Variants in GALNT18 observed in about 807,000 individuals in gnomAD.
GALNT18 encodes polypeptide N-acetylgalactosaminyltransferase 18, also known as GalNAc-transferase 18.
GALNT18 carries 44 observed loss-of-function variants against 69.5 expected under a neutral mutation model. The ratio of observed to expected loss-of-function variants is 0.63; its 90% CI spans 0.50 to 0.81. The LOEUF is 0.81. Among genes scored for constraint, GALNT18 ranks in the 40% least tolerant of loss-of-function variants. The pLI, the probability that GALNT18 is intolerant of heterozygous loss-of-function variation, is 0.00. For synonymous variants in GALNT18, 364 were observed against 318.2 expected, an observed-to-expected ratio of 1.14 and a Z score of -1.53; for missense variants, 715 against 810.0, an observed-to-expected ratio of 0.88 and a Z score of 1.42.
intron 1 of GALNT18, among the ~76,000 whole-genome samples, chr11:11,609,098 T>C (rs1325935745): frequency 1.3e-5 from 2 of 152,194 alleles, no homozygotes; most frequent in African/African-American, 2.4e-5. Flanking sequence ...TTTTCCACCA[T>C]ACCTGGCACA....
chr11:11,522,209 G>A (rs72867138), intron 1 of GALNT18, among the ~76,000 whole-genome samples: 13,244 of 152,192 alleles, frequency 0.087, 775 homozygotes, highest in South Asian at 0.17. Flanking sequence ...TCCTCATTCT[G>A]GGGAATAACC....
At chr11:11,549,183 A>G (rs1043932027) in intron 1 of GALNT18, among the ~76,000 whole-genome samples, 3 of 152,238 alleles carry the variant, frequency 2.0e-5, no homozygotes, top group Admixed American at 6.5e-5. Context: ...CAGCCGTTTC[A>G]GACCACAAAT....
In GALNT18 at chr11:11,498,263, G is replaced by A. The variant is rs1028961872; in HGVS notation, c.236-49327C>T. 2.0e-5 allele frequency among the ~76,000 whole-genome samples: 3 copies of A among 152,168 alleles called. 1 individual carries two copies. In the South Asian group the frequency reaches 6.2e-4, roughly 32 times the overall value. On this transcript the variant is annotated intron_variant, in intron 1 of 10. Coordinates refer to ENST00000227756, the MANE Select transcript of GALNT18 (RefSeq NM_198516.3). ...TTCTCTTTTCGCTCATATTTTACTGGGTCACTCAATATTTAATTAGATTAT... is the reference window on the plus strand; with the variant it reads ...TTCTCTTTTCGCTCATATTTTACTGAGTCACTCAATATTTAATTAGATTAT...
At chr11:11,282,340 C>T (rs1849097747) in intron 10 of GALNT18, among the ~76,000 whole-genome samples, 1 of 152,218 alleles carries the variant, frequency 6.6e-6, no homozygotes, top group East Asian at 1.9e-4. Context: ...AGAGGAATAA[C>T]AACTATCACT....
chr11:11,467,335 C>G (rs764710807), intron 1 of GALNT18, among the ~76,000 whole-genome samples: 22 of 152,226 alleles, frequency 1.4e-4, no homozygotes, highest in Non-Finnish European at 2.6e-4. Context: ...CCCAGTGCCA[C>G]TGGTTCCGCT....
At chr11:11,301,501 C>G (rs1390162272) in intron 9 of GALNT18, among the ~76,000 whole-genome samples, 1 of 152,166 alleles carries the variant, frequency 6.6e-6, no homozygotes, top group Non-Finnish European at 1.5e-5. Flanking sequence ...TGTTCATCAA[C>G]CACAGCACGA....
rs146638076 is a variant in GALNT18, at chr11:11,478,675, A to G, written c.236-29739T>C. Reference sequence around the variant, plus strand: ...TAATTTTCTTTATAAAAGGGCAAATATTAATATGACTGTGTCTGGGGTTGG... The same window carrying G: ...TAATTTTCTTTATAAAAGGGCAAATGTTAATATGACTGTGTCTGGGGTTGG... On this transcript the variant is annotated intron_variant, in intron 1 of 10. Transcript: ENST00000227756. 1.2e-4 allele frequency among the ~76,000 whole-genome samples: 18 copies of G among 152,374 alleles called. No individual in the cohort carries two copies. The East Asian group carries it at 3.5e-3, about 29-fold the overall frequency.
chr11:11,534,206 T>C (rs11021910), intron 1 of GALNT18, among the ~76,000 whole-genome samples: 5,533 of 152,316 alleles, frequency 0.036, 126 homozygotes, highest in Non-Finnish European at 0.058. Context: ...TGACCACAGC[T>C]GGTCAGAACT....
At chr11:11,499,655 C>CCT (rs1367273793) in intron 1 of GALNT18, among the ~76,000 whole-genome samples, 1 of 152,226 alleles carries the variant, frequency 6.6e-6, no homozygotes, top group African/African-American at 2.4e-5. Flanking sequence ...GAACCCCAGG[C>CCT]CTCTGCCTTG....
intron 3 of GALNT18, among the ~76,000 whole-genome samples, chr11:11,399,818 A>G (rs903448334): frequency 6.6e-6 from 1 of 152,228 alleles, no homozygotes; most frequent in African/African-American, 2.4e-5. Context: ...CAGGTACTGA[A>G]TACTCAATAG....
chr11:11,310,981 A>G (rs1186450142), intron 9 of GALNT18, among the ~76,000 whole-genome samples: 1 of 152,178 alleles, frequency 6.6e-6, no homozygotes, highest in Non-Finnish European at 1.5e-5. Context: ...CCCAAATCCC[A>G]GAGCTTCTTT....
intron 1 of GALNT18, among the ~76,000 whole-genome samples, chr11:11,456,936 C>T (rs535264459): frequency 2.7e-4 from 41 of 152,278 alleles, no homozygotes; most frequent in Admixed American, 2.3e-3. Context: ...CATGCTAATT[C>T]ATGGAGACAA....
At chr11:11,575,423 C>T (rs1050559327) in intron 1 of GALNT18, among the ~76,000 whole-genome samples, 2 of 152,192 alleles carry the variant, frequency 1.3e-5, no homozygotes, top group African/African-American at 4.8e-5. Context: ...CAAGGCCCAC[C>T]CTCTGACCTC....
intron 9 of GALNT18, among the ~76,000 whole-genome samples, chr11:11,297,091 C>T (rs1317435565): frequency 6.6e-6 from 1 of 152,084 alleles, no homozygotes; most frequent in Non-Finnish European, 1.5e-5. Flanking sequence ...TGCCTGGAGA[C>T]ATTTTTGGTT....
intron 6 of GALNT18, among the ~76,000 whole-genome samples, chr11:11,346,532 C>T (rs1488890983): frequency 2.0e-5 from 3 of 152,208 alleles, no homozygotes; most frequent in Non-Finnish European, 2.9e-5. Flanking sequence ...ACTTGGGCTG[C>T]AGAGCTTAAA....
intron 1 of GALNT18, among the ~76,000 whole-genome samples, chr11:11,520,670 A>G (rs1857375765): frequency 2.0e-5 from 3 of 152,260 alleles, no homozygotes; most frequent in Admixed American, 2.0e-4. Flanking sequence ...AGAAAGCTAG[A>G]TGGGGCAGAG....
At chr11:11,456,082 C>A (rs1027981954) in intron 1 of GALNT18, among the ~76,000 whole-genome samples, 7 of 152,160 alleles carry the variant, frequency 4.6e-5, no homozygotes, top group African/African-American at 1.2e-4. Flanking sequence ...CTGTCTCAAA[C>A]AAAAGAAACA....
At chr11:11,426,102 G>T (rs906865592) in intron 3 of GALNT18, among the ~76,000 whole-genome samples, 2 of 152,206 alleles carry the variant, frequency 1.3e-5, no homozygotes, top group African/African-American at 2.4e-5. Flanking sequence ...GCAGAGCCTG[G>T]TCGCTACTGT....
intron 10 of GALNT18, among the ~76,000 whole-genome samples, chr11:11,276,908 T>C (rs746398918): frequency 2.0e-5 from 3 of 152,198 alleles, no homozygotes; most frequent in Non-Finnish European, 4.4e-5. Context: ...CTGGATTCAG[T>C]TTGCCAGTAT....
Sources: gnomAD v4.1 joint callset for allele counts (sites outside exome capture counted in the v4.1 genomes callset) on GRCh38, gnomAD v4.1.1 for gene constraint, MANE v1.5 for transcripts, NCBI Gene and HGNC (gene_info 2026-07-23, HGNC 2026-07-21) for gene names.